The following PTPRG variants were observed in gnomAD, a reference collection of about 807,000 sequenced individuals.
The protein encoded by PTPRG is receptor-type tyrosine-protein phosphatase gamma.
A neutral mutation model predicts 165.3 loss-of-function variants in PTPRG; 102 were observed. The ratio of observed to expected loss-of-function variants is 0.62; its 90% CI spans 0.53 to 0.73. PTPRG has a LOEUF of 0.73. PTPRG is among the 30% of genes least tolerant of loss of function. The probability of loss-of-function intolerance (pLI) is 0.00; values close to 1 mark genes in which losing one functional copy is unlikely to be tolerated. For missense variants in PTPRG, 1,866 were observed against 1,861.4 expected, an observed-to-expected ratio of 1.00 and a Z score of -0.05; for synonymous variants, 675 against 669.5, an observed-to-expected ratio of 1.01 and a Z score of -0.13.
intron 1 of PTPRG, among the ~76,000 whole-genome samples, chr3:61,566,758 C>A (rs144335806): frequency 2.0e-5 from 3 of 152,154 alleles, no homozygotes; most frequent in Non-Finnish European, 4.4e-5. Flanking sequence ...CTGCCCACCT[C>A]GGCCTCCCAG....
intron 4 of PTPRG, among the ~76,000 whole-genome samples, chr3:62,054,035 G>T (rs1406974294): frequency 6.6e-6 from 1 of 152,146 alleles, no homozygotes; most frequent in Non-Finnish European, 1.5e-5. Context: ...ACTCTGAAAG[G>T]CTTCCTAGTG....
At chr3:61,993,295 G>A (rs1243886394) in intron 3 of PTPRG, among the ~76,000 whole-genome samples, 1 of 151,574 alleles carries the variant, frequency 6.6e-6, no homozygotes, top group Non-Finnish European at 1.5e-5. Context: ...TCAGCTCACC[G>A]CAACCTCCGC....
intron 28 of PTPRG, among the ~76,000 whole-genome samples, chr3:62,290,254 A>G (rs1702833099): frequency 6.6e-6 from 1 of 152,156 alleles, no homozygotes; most frequent in African/African-American, 2.4e-5. Flanking sequence ...TCATGAAGAG[A>G]AAAACTCAAG....
At chr3:61,949,467 T>C (rs1398997809) in intron 2 of PTPRG, among the ~76,000 whole-genome samples, 4 of 152,132 alleles carry the variant, frequency 2.6e-5, no homozygotes, top group Admixed American at 2.6e-4. Context: ...GAAACCACAA[T>C]TGAAGTGAGG....
intron 16 of PTPRG, among the ~76,000 whole-genome samples, chr3:62,259,580 T>G (rs917986959): frequency 2.0e-5 from 3 of 152,216 alleles, no homozygotes; most frequent in Non-Finnish European, 4.4e-5. Context: ...CTTAAATATC[T>G]TAAGAAAAAC....
At chr3:61,905,378 A>C (rs1156772609) in intron 2 of PTPRG, among the ~76,000 whole-genome samples, 2 of 152,092 alleles carry the variant, frequency 1.3e-5, no homozygotes, top group South Asian at 4.1e-4. Context: ...TTCTAAGACC[A>C]TATCTAGTGG....
intron 8 of PTPRG, among the ~76,000 whole-genome samples, chr3:62,173,255 T>G (rs1705287982): frequency 6.6e-6 from 1 of 152,192 alleles, no homozygotes; most frequent in African/African-American, 2.4e-5. Flanking sequence ...TTATTGTTTT[T>G]TTTTCCTTCC....
At chr3:62,241,151 G>A (rs147900660) in intron 14 of PTPRG, among the ~76,000 whole-genome samples, 157 of 152,140 alleles carry the variant, frequency 1.0e-3, no homozygotes, top group African/African-American at 3.6e-3. Flanking sequence ...TTTCTGCAAA[G>A]ATGATCTGTT....
chr3:62,053,121 G>T (rs1700516177), intron 4 of PTPRG, among the ~76,000 whole-genome samples: 1 of 151,872 alleles, frequency 6.6e-6, no homozygotes, highest in Non-Finnish European at 1.5e-5. Flanking sequence ...TTTTCCTAAG[G>T]ATACATCAAA....
intron 1 of PTPRG, among the ~76,000 whole-genome samples, chr3:61,728,838 C>A (rs571732701): frequency 6.8e-6 from 1 of 146,816 alleles, no homozygotes; most frequent in South Asian, 2.2e-4. Flanking sequence ...CGAGTTCGAG[C>A]CCAGTCTGCG....
chr3:61,845,825 A>C (rs1195378600), intron 2 of PTPRG, among the ~76,000 whole-genome samples: 1 of 152,016 alleles, frequency 6.6e-6, no homozygotes, highest in Non-Finnish European at 1.5e-5. Context: ...CAGTTTTGAA[A>C]TCCCAGCATT....
chr3:61,862,160 C>T (rs1424181345), intron 2 of PTPRG, among the ~76,000 whole-genome samples: 1 of 152,064 alleles, frequency 6.6e-6, no homozygotes, highest in African/African-American at 2.4e-5. Context: ...GTGAACTGCT[C>T]ATGCCAGGGG....
chr3:61,752,165 C>G (rs928395181), intron 2 of PTPRG, among the ~76,000 whole-genome samples: 3 of 152,074 alleles, frequency 2.0e-5, no homozygotes, highest in Non-Finnish European at 4.4e-5. Context: ...GTTCTGAGAG[C>G]TGAACAAGTT....
chr3:61,865,691 T>A (rs1327577735), intron 2 of PTPRG, among the ~76,000 whole-genome samples: 3 of 152,190 alleles, frequency 2.0e-5, no homozygotes, highest in Non-Finnish European at 4.4e-5. Flanking sequence ...ACAGAGCCCC[T>A]TTGTCTTCTC....
rs111747635 is a variant in PTPRG at position 62,187,842 on chromosome 3, C to G, written c.1034-3627C>G. On this transcript the variant is annotated intron_variant, in intron 8 of 29. Transcript: ENST00000474889. ...TGCAAAGCCCTGGCCTCATGCTCCT[C>G]CTCTCGTGTAATCAGGGACAAGCAT... Among the ~76,000 whole-genome samples the G allele has an allele frequency of 1.2e-4, 19 of 152,332 alleles. No individual in the cohort carries two copies. The South Asian group carries it at 1.7e-3, about 13-fold the overall frequency.
chr3:61,941,429 C>T (rs2039625218), intron 2 of PTPRG, among the ~76,000 whole-genome samples: 1 of 152,094 alleles, frequency 6.6e-6, no homozygotes, highest in Non-Finnish European at 1.5e-5. Flanking sequence ...TCGAGACCGT[C>T]CTGGCCAACA....
At chr3:61,761,226 A>T (rs764429161) in intron 2 of PTPRG, among the ~76,000 whole-genome samples, 2 of 152,120 alleles carry the variant, frequency 1.3e-5, no homozygotes, top group Non-Finnish European at 2.9e-5. Context: ...AACAGTGTAA[A>T]AGCATTTCTG....
At chr3:62,293,065 G>T in intron 29 of PTPRG, 96 bp from the exon 30 acceptor site, 1 of 1,046,760 alleles carries the variant, frequency 9.6e-7, no homozygotes, top group Non-Finnish European at 1.4e-6. Context: ...TTTCTCTAGT[G>T]TGTTTTTCAC....
intron 1 of PTPRG, among the ~76,000 whole-genome samples, chr3:61,573,410 A>G (rs1181335599): frequency 2.6e-5 from 4 of 152,312 alleles, no homozygotes; most frequent in South Asian, 2.1e-4. Context: ...CCAATAAATG[A>G]TAGAAATAGT....
Sources: gnomAD v4.1 joint callset for allele counts (sites outside exome capture counted in the v4.1 genomes callset) on GRCh38, gnomAD v4.1.1 for gene constraint, MANE v1.5 for transcripts, NCBI Gene and HGNC (gene_info 2026-07-23, HGNC 2026-07-21) for gene names.